Variants in LGI4 observed in about 807,000 individuals in gnomAD.
LGI4 encodes the protein leucine-rich repeat LGI family member 4.
LGI4 carries 36 observed loss-of-function variants against 48.3 expected under a neutral mutation model. The observed-to-expected ratio is 0.75, with a 90% CI of 0.57 to 0.98. The LOEUF (loss-of-function observed/expected upper bound fraction) is 0.98, where lower values mean the gene tolerates loss of function less well. LGI4 is among the 50% of genes least tolerant of loss of function. The probability of loss-of-function intolerance (pLI) is 0.00; values close to 1 mark genes in which losing one functional copy is unlikely to be tolerated. For missense variants in LGI4, 701 were observed against 732.1 expected (o/e 0.96, Z 0.49); for synonymous variants, 355 against 331.6 (o/e 1.07, Z -0.77).
Position 35,133,673 on chromosome 19 carries a change from C to CGG in LGI4, c.314+19_314+20insCC. 1 of 1,585,372 alleles carries CGG rather than the reference C, an allele frequency of 6.3e-7. No homozygotes were observed. Among genetic ancestry groups the CGG allele is most frequent in the Non-Finnish European group, 8.6e-7 (1 of 1,166,366 alleles). On this transcript the variant is annotated intron_variant, in intron 3 of 8. Coordinates refer to ENST00000310123, the MANE Select transcript of LGI4 (RefSeq NM_139284.3). ...CTCCTTGCCCAGACCCACCTGCCTC[C>CGG]ATCCCCTGGCCTCACTCACAGGTAC... is the stretch of plus-strand genomic sequence containing the variant.
In LGI4 at chr19:35,125,327, G is replaced by C. The variant is rs2065124230; in HGVS notation, c.1480C>G (p.Leu494Val). Reference sequence around the variant, plus strand: ...GGGGCCACCAGGGCCGGAGGCCCCAGCTCCTGCAGTGGCTCCAGGAGCCCC... The same window carrying C: ...GGGGCCACCAGGGCCGGAGGCCCCACCTCCTGCAGTGGCTCCAGGAGCCCC... ...DKGLLEPLQELGPPALVAPRA... is the reference protein window; with the variant it reads ...DKGLLEPLQEVGPPALVAPRA... The change falls in exon 9 of 9, where the codon CTG (leucine) becomes GTG (valine). Residue 494 changes from leucine (L) to valine (V), a missense_variant. Coordinates refer to ENST00000310123, the MANE Select transcript of LGI4 (RefSeq NM_139284.3). The C allele has an allele frequency of 3.1e-6, 5 of 1,612,620 alleles. No homozygotes were observed. The highest frequency in any genetic ancestry group is 4.2e-6 in the Non-Finnish European group (5 of 1,179,006).
chr19:35,134,337 G>A (rs1402769627), intron 1 of LGI4, among the ~76,000 whole-genome samples, 174 bp downstream of exon 1: 1 of 152,122 alleles, frequency 6.6e-6, no homozygotes, highest in Non-Finnish European at 1.5e-5. Flanking sequence ...GTTTCCTTCT[G>A]CTCCTTCCCA....
chr19:35,125,558 C>A lies in LGI4; in HGVS notation c.1300-51G>T, dbSNP rs562101395. 6.3e-5 allele frequency: 91 copies of A among 1,446,296 alleles called. 2 individuals carry two copies. In the South Asian group the frequency reaches 1.3e-3, roughly 20 times the overall value. 89.6% of individuals were successfully genotyped at this position (1,446,296 alleles called of 1,614,324 possible). On this transcript the variant is annotated intron_variant, in intron 8 of 8. Coordinates refer to ENST00000310123, the MANE Select transcript of LGI4 (RefSeq NM_139284.3). Reference sequence around the variant, plus strand: ...CTGGGGTCCCGGGGGTCTCTGGGGGCCGTGGAACAGCTTGGAAGCAGAAGC... The same window carrying A: ...CTGGGGTCCCGGGGGTCTCTGGGGGACGTGGAACAGCTTGGAAGCAGAAGC...
chr19:35,125,712 A>G (rs191255791), intron 8 of LGI4: 298 of 699,714 alleles, frequency 4.3e-4, no homozygotes, highest in Non-Finnish European at 7.0e-4. Flanking sequence ...GCACTCAGCC[A>G]TGGACTCTGT....
intron 6 of LGI4, 45 bp downstream of exon 6, chr19:35,131,341 T>A: frequency 6.5e-7 from 1 of 1,548,848 alleles, no homozygotes; most frequent in Non-Finnish European, 8.7e-7. Context: ...TGGCAGCCTT[T>A]CCCCCAGATC....
At chr19:35,131,333 G>A in intron 6 of LGI4, 53 bp downstream of exon 6, 1 of 1,545,682 alleles carries the variant, frequency 6.5e-7, no homozygotes, top group East Asian at 2.4e-5. Context: ...CTTGGCCCTG[G>A]CAGCCTTTCC....
At chr19:35,131,762 C>T (rs746971682) in intron 5 of LGI4, 27 bp downstream of exon 5, 3 of 1,523,544 alleles carry the variant, frequency 2.0e-6, no homozygotes, top group Non-Finnish European at 8.9e-7. Flanking sequence ...CCCAACCCCC[C>T]ACATTCCCAG....
chr19:35,127,097 T>G, intron 6 of LGI4, 80 bp from the exon 7 acceptor site: 4 of 1,396,582 alleles, frequency 2.9e-6, no homozygotes, highest in Non-Finnish European at 3.8e-6. Flanking sequence ...CCTACATCTC[T>G]GAAATGGAGG....
In LGI4 at chr19:35,131,199, C is replaced by G. The variant is rs1289536433; in HGVS notation, c.628+187G>C. The G allele has an allele frequency of 4.1e-6, 3 of 728,768 alleles. No homozygotes were observed. The South Asian group carries it at 4.6e-5, about 11-fold the overall frequency. The allele number at this position is 728,768 out of a possible 1,614,324, so 45.1% of individuals were successfully genotyped here. A position where few individuals can be genotyped will look rare whatever the true frequency, so the allele number is the denominator to read the frequency against. Reference sequence around the variant, plus strand: ...GATGTATCATTGAATTCCCATGGCACTCCTATATCACTGTTTATTACCCCC... The same window carrying G: ...GATGTATCATTGAATTCCCATGGCAGTCCTATATCACTGTTTATTACCCCC... On this transcript the variant is annotated intron_variant, in intron 6 of 8. Coordinates refer to ENST00000310123, the MANE Select transcript of LGI4 (RefSeq NM_139284.3).
chr19:35,133,967 TCCCACACATGTGCATAAACG>T, intron 2 of LGI4, 46 bp downstream of exon 2: 1 of 1,480,370 alleles, frequency 6.8e-7, no homozygotes, highest in South Asian at 1.2e-5. Context: ...GAGCATACAC[TCCCACACATGTGCATAAACG>T]CACACTCCCT....
chr19:35,130,298 C>G (rs1327389687), intron 6 of LGI4, among the ~76,000 whole-genome samples: 1 of 152,230 alleles, frequency 6.6e-6, no homozygotes, highest in Non-Finnish European at 1.5e-5. Flanking sequence ...AGTCTCTCTT[C>G]TCCACCTTGC....
chr19:35,131,650 G>A, intron 5 of LGI4, 95 bp from the exon 6 acceptor site: 1 of 1,476,958 alleles, frequency 6.8e-7, no homozygotes, highest in African/African-American at 1.4e-5. Flanking sequence ...CCCAGAGATG[G>A]GGCCCCATAG....
intron 6 of LGI4, 181 bp downstream of exon 6, chr19:35,131,205 T>C: frequency 1.3e-6 from 1 of 750,396 alleles, no homozygotes; most frequent in Non-Finnish European, 2.3e-6. Context: ...GGCACTCCTA[T>C]ATCACTGTTT....
At chr19:35,134,152 C>A in intron 1 of LGI4, 48 bp from the exon 2 acceptor site, 1 of 1,507,334 alleles carries the variant, frequency 6.6e-7, no homozygotes, top group South Asian at 1.2e-5. Context: ...CAGCAATACT[C>A]CAGTTGCAAA....
chr19:35,126,380 A>G lies in LGI4; in HGVS notation c.1189T>C (p.Phe397Leu). The change falls in exon 8 of 9, where the codon TTC (phenylalanine) becomes CTC (leucine). Residue 397 changes from phenylalanine to leucine, a missense_variant. Physicochemically the swap from Phe to Leu is conservative, Grantham distance 22. Around this residue, in one of 3 missense-constraint regions of LGI4, gnomAD observed 223 missense variants for 263.3 expected, o/e 0.85. Transcript: ENST00000310123. ...PVLFHWTGGRFERRTDIPEAE... is the reference protein window; with the variant it reads ...PVLFHWTGGRLERRTDIPEAE... ...TCGGGGATGTCTGTGCGTCTCTCGA[A>G]GCGGCCACCGGTCCAGTGGAAGAGC... is the stretch of plus-strand genomic sequence containing the variant. 1 of 1,610,952 alleles carries G rather than the reference A, an allele frequency of 6.2e-7. No homozygotes were observed. Among genetic ancestry groups the G allele is most frequent in the South Asian group, 1.1e-5 (1 of 90,466 alleles).
intron 5 of LGI4, 51 bp downstream of exon 5, chr19:35,131,738 C>T (rs377032733): frequency 1.8e-5 from 26 of 1,467,658 alleles, no homozygotes; most frequent in Admixed American, 7.9e-5. Flanking sequence ...TGCCCCCCGC[C>T]GACACAAACA....
At chr19:35,134,183 G>T in intron 1 of LGI4, 79 bp from the exon 2 acceptor site, 1 of 1,331,884 alleles carries the variant, frequency 7.5e-7, no homozygotes, top group Non-Finnish European at 1.0e-6. Flanking sequence ...CTGCCATCCG[G>T]GAGACCCCAG....
Position 35,134,097 on chromosome 19 carries a change from C to G in LGI4, c.178G>C (p.Val60Leu), listed in dbSNP as rs770501681. 2 of 1,564,682 alleles carry G rather than the reference C, an allele frequency of 1.3e-6. No homozygotes were observed. Among genetic ancestry groups the G allele is most frequent in the Middle Eastern group, 1.7e-4 (1 of 6,002 alleles). Residue 60 changes from valine to leucine, a missense_variant, in exon 2 of 9, where the codon GTC becomes CTC. By Grantham distance (32) the Val-to-Leu change is conservative. Around this residue, in one of 3 missense-constraint regions of LGI4, gnomAD observed 462 missense variants for 436.4 expected, o/e 1.06. Transcript: ENST00000310123. The stretch of plus-strand genomic sequence containing the variant: ...TTCAGCTGGGTGACTCCCGTCCTGA[C>G]GAGTGAGCTGGGGATGTGGGCAGTG... ...FSPTLLSLSL[V>L]RTGVTQLKAG...
chr19:35,134,722 C>T lies in LGI4; in HGVS notation c.-42G>A. The T allele has an allele frequency of 1.8e-6, 2 of 1,101,654 alleles. No homozygotes were observed. The highest frequency in any genetic ancestry group is 2.6e-6 in the Non-Finnish European group (2 of 776,926). 68.2% of individuals were successfully genotyped at this position (1,101,654 alleles called of 1,614,324 possible). On this transcript the variant is annotated 5_prime_UTR_variant, in exon 1 of 9. It adds an upstream start codon to the 5' untranslated region. Transcript: ENST00000310123. Reference sequence around the variant, plus strand: ...TGAGGCACCCGCTTCTCCCGGCCCACCCAGCTCAGCCCAGGCCACTACGTC... The same window carrying T: ...TGAGGCACCCGCTTCTCCCGGCCCATCCAGCTCAGCCCAGGCCACTACGTC...
Sources: allele counts gnomAD v4.1 joint callset (sites outside exome capture counted in the v4.1 genomes callset), GRCh38; gene constraint gnomAD v4.1.1; regional missense constraint gnomAD v4.1.1; transcripts MANE v1.5; gene names NCBI Gene and HGNC (gene_info 2026-07-23, HGNC 2026-07-21).